Variants in GPC6 observed in about 807,000 individuals in gnomAD.
The protein encoded by GPC6 is glypican 6, also known as glypican-6.
In GPC6, 14 loss-of-function variants were observed where a neutral mutation model predicts 55.2. The observed-to-expected ratio is 0.25, with a 90% CI of 0.17 to 0.40. The LOEUF (loss-of-function observed/expected upper bound fraction) is 0.40, where lower values mean the gene tolerates loss of function less well. Among genes scored for constraint, GPC6 ranks in the 10% least tolerant of loss-of-function variants. The pLI is 1.00. For synonymous variants in GPC6, 278 were observed against 259.6 expected (o/e 1.07, Z -0.68); for missense variants, 641 against 708.5 (o/e 0.90, Z 1.08).
chr13:93,365,160 C>T (rs1306585154), intron 1 of GPC6, among the ~76,000 whole-genome samples: 1 of 152,082 alleles, frequency 6.6e-6, no homozygotes, highest in Non-Finnish European at 1.5e-5. Flanking sequence ...GATGCGTTCC[C>T]ACAGTAAACT....
At chr13:93,760,761 A>T (rs1336361901) in intron 2 of GPC6, among the ~76,000 whole-genome samples, 1 of 152,180 alleles carries the variant, frequency 6.6e-6, no homozygotes, top group Non-Finnish European at 1.5e-5. Context: ...AAATGATTAC[A>T]TGTTCATTTC....
At chr13:93,729,280 T>C (rs1423408245) in intron 2 of GPC6, among the ~76,000 whole-genome samples, 1 of 152,008 alleles carries the variant, frequency 6.6e-6, no homozygotes, top group Non-Finnish European at 1.5e-5. Context: ...GCCATCAAGG[T>C]TGGGAAATGC....
intron 4 of GPC6, among the ~76,000 whole-genome samples, chr13:94,285,432 T>G (rs570704995): frequency 6.6e-6 from 1 of 152,266 alleles, no homozygotes; most frequent in African/African-American, 2.4e-5. Flanking sequence ...AAGGGAAACT[T>G]CCTCACTTTA....
intron 1 of GPC6, among the ~76,000 whole-genome samples, chr13:93,534,221 G>A (rs1378066894): frequency 1.3e-5 from 2 of 152,188 alleles, no homozygotes; most frequent in African/African-American, 4.8e-5. Flanking sequence ...TTCCAAGGAG[G>A]AGTTTGTTAG....
intron 4 of GPC6, among the ~76,000 whole-genome samples, chr13:94,177,069 C>A (rs1226600508): frequency 2.0e-5 from 3 of 152,072 alleles, no homozygotes; most frequent in Admixed American, 6.5e-5. Context: ...GAATTAGAAA[C>A]CCATTCAGAA....
intron 1 of GPC6, among the ~76,000 whole-genome samples, chr13:93,465,360 G>A (rs974505447): frequency 1.3e-5 from 2 of 150,676 alleles, no homozygotes; most frequent in African/African-American, 4.9e-5. Context: ...TATCTACATG[G>A]TAAATGTGTT....
intron 1 of GPC6, among the ~76,000 whole-genome samples, chr13:93,463,969 A>G (rs1439629622): frequency 6.6e-6 from 1 of 151,560 alleles, no homozygotes; most frequent in African/African-American, 2.4e-5. Flanking sequence ...AGACCACAGC[A>G]ATAAAGCAAT....
At chr13:93,281,321 G>A (rs781580675) in intron 1 of GPC6, among the ~76,000 whole-genome samples, 5 of 152,194 alleles carry the variant, frequency 3.3e-5, no homozygotes, top group East Asian at 3.9e-4. Context: ...TGGCAGATGC[G>A]GTGTCTAGTG....
At position 93,439,367 on chromosome 13, in the gene GPC6, T is replaced by A. The variant is rs548728743; in HGVS notation, c.161-105896T>A. ...GGAGGTAATTGAATCATGGGAGTTC[T>A]CATGTGCTGTTCTCATGATAGTGAA... On this transcript the variant is annotated intron_variant, in intron 1 of 8. Coordinates refer to ENST00000377047, the MANE Select transcript of GPC6 (RefSeq NM_005708.5). Among the ~76,000 whole-genome samples, 3 of 152,212 alleles carry A rather than the reference T, an allele frequency of 2.0e-5. No individual in the cohort carries two copies. The East Asian group carries it at 5.8e-4, about 29-fold the overall frequency.
intron 6 of GPC6, among the ~76,000 whole-genome samples, chr13:94,344,200 C>A (rs186829222): frequency 6.3e-4 from 96 of 152,338 alleles, no homozygotes; most frequent in African/African-American, 2.2e-3. Flanking sequence ...TTGATCTTAT[C>A]TTTATGGAAA....
intron 3 of GPC6, among the ~76,000 whole-genome samples, chr13:93,942,940 C>T (rs1002850204): frequency 2.3e-4 from 35 of 152,086 alleles, no homozygotes; most frequent in African/African-American, 8.5e-4. Context: ...TGCTCCATTC[C>T]ATTTGTCCAA....
At position 94,339,203 on chromosome 13, in the gene GPC6, T is replaced by A. The variant is rs144481705; in HGVS notation, c.1152+33080T>A. ...CCTCAGCCCCACAAGTAGCTAAGAC[T>A]ACTGGTATGTGCCACCACACCCAAC... On this transcript the variant is annotated intron_variant, in intron 6 of 8. Transcript: ENST00000377047. Among the ~76,000 whole-genome samples the A allele has an allele frequency of 5.4e-3, 820 of 152,154 alleles. 9 individuals carry two copies. Among genetic ancestry groups the A allele is most frequent in the African/African-American group, 0.019 (779 of 41,510 alleles).
intron 2 of GPC6, among the ~76,000 whole-genome samples, chr13:93,674,839 C>A (rs1881520473): frequency 1.1e-4 from 1 of 8,830 alleles, no homozygotes; most frequent in South Asian, 2.3e-3. Context: ...ATGTCAGTCC[C>A]TAAATGACTT....
intron 3 of GPC6, among the ~76,000 whole-genome samples, chr13:93,899,815 A>G (rs1195842218): frequency 1.3e-5 from 2 of 152,162 alleles, no homozygotes; most frequent in African/African-American, 4.8e-5. Context: ...AAATCATGTT[A>G]TTTATCTAGT....
intron 5 of GPC6, among the ~76,000 whole-genome samples, chr13:94,298,156 A>G (rs1875444262): frequency 1.3e-5 from 2 of 152,214 alleles, no homozygotes; most frequent in Admixed American, 1.3e-4. Context: ...TTTTTATGCT[A>G]TTAGATAAAT....
chr13:94,194,962 C>G (rs1322879801), intron 4 of GPC6, among the ~76,000 whole-genome samples: 4 of 151,776 alleles, frequency 2.6e-5, no homozygotes, highest in African/African-American at 9.7e-5. Context: ...ACACACATAA[C>G]CAAGGGCAAA....
At chr13:94,190,056 G>T (rs1467792363) in intron 4 of GPC6, among the ~76,000 whole-genome samples, 6 of 151,710 alleles carry the variant, frequency 4.0e-5, no homozygotes, top group Non-Finnish European at 8.8e-5. Context: ...AGGTGCAGTG[G>T]CTCACACCTG....
At chr13:93,606,273 T>G (rs1171780318) in intron 2 of GPC6, among the ~76,000 whole-genome samples, 2 of 152,208 alleles carry the variant, frequency 1.3e-5, no homozygotes, top group Non-Finnish European at 2.9e-5. Context: ...TGACTTTCAA[T>G]GAAAATTTTT....
intron 4 of GPC6, among the ~76,000 whole-genome samples, chr13:94,124,911 C>G (rs1024599503): frequency 6.6e-6 from 1 of 152,100 alleles, no homozygotes; most frequent in Non-Finnish European, 1.5e-5. Context: ...ACTAACTCAT[C>G]AGGAGAAACT....
Sources: gnomAD v4.1 joint callset for allele counts (sites outside exome capture counted in the v4.1 genomes callset) on GRCh38, gnomAD v4.1.1 for gene constraint, MANE v1.5 for transcripts, NCBI Gene and HGNC (gene_info 2026-07-23, HGNC 2026-07-21) for gene names.